Variants in PTPRG observed in about 807,000 individuals in gnomAD.
The protein encoded by PTPRG is protein tyrosine phosphatase receptor type G.
PTPRG carries 102 observed loss-of-function variants against 165.3 expected under a neutral mutation model. That is an observed-to-expected ratio of 0.62 (90% confidence interval 0.53 to 0.73). PTPRG has a LOEUF of 0.73. Among genes scored for constraint, PTPRG ranks in the 30% least tolerant of loss-of-function variants. The pLI is 0.00. For synonymous variants in PTPRG, 675 were observed against 669.5 expected (o/e 1.01, Z -0.13); for missense variants, 1,866 against 1,861.4 (o/e 1.00, Z -0.05).
intron 2 of PTPRG, among the ~76,000 whole-genome samples, chr3:61,872,428 T>A (rs2037609933): frequency 6.6e-6 from 1 of 152,186 alleles, no homozygotes; most frequent in Non-Finnish European, 1.5e-5. Flanking sequence ...AGTGTTTGGC[T>A]CTTAGGCTCA....
At chr3:62,037,138 A>G (rs1699972090) in intron 4 of PTPRG, among the ~76,000 whole-genome samples, 1 of 152,218 alleles carries the variant, frequency 6.6e-6, no homozygotes, top group Admixed American at 6.5e-5. Flanking sequence ...CAGATTTGGA[A>G]CCTGGAGCTA....
chr3:61,723,989 T>C (rs2032153837), intron 1 of PTPRG, among the ~76,000 whole-genome samples: 1 of 152,202 alleles, frequency 6.6e-6, no homozygotes, highest in African/African-American at 2.4e-5. Context: ...CCCAGCACTT[T>C]GGGAGGCTGA....
At chr3:62,207,341 G>A (rs1005636668) in intron 12 of PTPRG, among the ~76,000 whole-genome samples, 1 of 152,212 alleles carries the variant, frequency 6.6e-6, no homozygotes, top group Non-Finnish European at 1.5e-5. Context: ...ATCTGCATGT[G>A]CCTGTTGATT....
chr3:61,975,374 C>T (rs546761905), intron 2 of PTPRG, among the ~76,000 whole-genome samples: 3 of 152,290 alleles, frequency 2.0e-5, no homozygotes, highest in Non-Finnish European at 4.4e-5. Flanking sequence ...ACAGCTAGTA[C>T]TCCATATCAG....
chr3:62,027,964 C>T (rs1270209657), intron 4 of PTPRG, among the ~76,000 whole-genome samples: 2 of 152,184 alleles, frequency 1.3e-5, no homozygotes, highest in Admixed American at 6.5e-5. Context: ...GTTTGCAACT[C>T]GTGATTATTT....
At chr3:61,931,601 C>T (rs892613502) in intron 2 of PTPRG, among the ~76,000 whole-genome samples, 2 of 152,198 alleles carry the variant, frequency 1.3e-5, no homozygotes, top group African/African-American at 4.8e-5. Context: ...CCTCTTAGAG[C>T]TGCCTTCCCA....
chr3:62,067,205 C>T (rs1254308735), intron 4 of PTPRG, among the ~76,000 whole-genome samples: 4 of 151,682 alleles, frequency 2.6e-5, no homozygotes, highest in African/African-American at 7.3e-5. Context: ...GGGTGTAGGA[C>T]AGGGTTTCTG....
At position 61,811,821 on chromosome 3, in the gene PTPRG, G is replaced by A. The variant is rs1184303339; in HGVS notation, c.190+62839G>A. ...AAAAATTCCCTCAAGAGTGCTGACA[G>A]CATACCTTGCCTGTTATTACAGCTT... On this transcript the variant is annotated intron_variant, in intron 2 of 29. Transcript: ENST00000474889. Among the ~76,000 whole-genome samples, 37 of 152,142 alleles carry A rather than the reference G, an allele frequency of 2.4e-4. 2 individuals are homozygous for A. Among genetic ancestry groups the A allele is most frequent in the Admixed American group, 2.4e-3 (37 of 15,274 alleles).
Position 62,218,958 on chromosome 3 carries a change from C to G in PTPRG, c.2263C>G (p.Leu755Val), listed in dbSNP as rs769381581. 8.1e-6 allele frequency: 13 copies of G among 1,614,046 alleles called. No individual in the cohort carries two copies. Among genetic ancestry groups the G allele is most frequent in the Non-Finnish European group, 8.5e-6 (10 of 1,179,960 alleles). ...CTTGACCTTCGTGTGCCTCATCCTT[C>G]TCATTGCTGTGCTCGTTTACTGGAG... Reference protein sequence around the residue: ...SALTFVCLILLIAVLVYWRGC... With the variant: ...SALTFVCLILVIAVLVYWRGC... Residue 755 changes from leucine to valine, a missense_variant, in exon 13 of 30, where the codon CTC becomes GTC. By Grantham distance (32) the Leu-to-Val change is conservative. Around this residue, in one of 3 missense-constraint regions of PTPRG, gnomAD observed 1,452 missense variants for 1,463.0 expected, o/e 0.99. Transcript: ENST00000474889.
At chr3:61,884,267 T>C (rs1334860178) in intron 2 of PTPRG, among the ~76,000 whole-genome samples, 1 of 152,184 alleles carries the variant, frequency 6.6e-6, no homozygotes, top group Non-Finnish European at 1.5e-5. Context: ...GATTTAGTAA[T>C]TGGGTTAAAG....
intron 4 of PTPRG, among the ~76,000 whole-genome samples, chr3:62,037,690 C>G (rs886593370): frequency 4.6e-5 from 7 of 152,166 alleles, no homozygotes; most frequent in African/African-American, 1.7e-4. Context: ...TGACAACATA[C>G]TGTAGACTAG....
intron 4 of PTPRG, among the ~76,000 whole-genome samples, chr3:62,031,970 G>T (rs903829163): frequency 6.6e-6 from 1 of 152,168 alleles, no homozygotes. Context: ...GGTTAGATGG[G>T]TCTGCCACTC....
intron 13 of PTPRG, among the ~76,000 whole-genome samples, chr3:62,221,595 G>C (rs557545144): frequency 1.1e-4 from 16 of 152,188 alleles, no homozygotes; most frequent in Non-Finnish European, 1.9e-4. Context: ...GAACAACAGT[G>C]CTTTTCTTCT....
intron 16 of PTPRG, among the ~76,000 whole-genome samples, chr3:62,257,552 C>T (rs1326991464): frequency 6.6e-6 from 1 of 152,110 alleles, no homozygotes; most frequent in Non-Finnish European, 1.5e-5. Flanking sequence ...CATGAGAAAA[C>T]TGAGGCTGTG....
At position 61,692,079 on chromosome 3, in the gene PTPRG, A is replaced by G. The variant is rs72878416; in HGVS notation, c.86-56799A>G. 5.8e-3 allele frequency among the ~76,000 whole-genome samples: 887 copies of G among 152,386 alleles called. 12 individuals are homozygous for G. The highest frequency in any genetic ancestry group is 0.02 in the African/African-American group (849 of 41,590). On this transcript the variant is annotated intron_variant, in intron 1 of 29. Coordinates refer to ENST00000474889, the MANE Select transcript of PTPRG (RefSeq NM_002841.4). ...TCCAGTGCTAAGCAGTGAATAGTAT[A>G]TGATACATAATGAATTTTCTTCTGC...
chr3:62,064,650 C>G (rs1700946190), intron 4 of PTPRG, among the ~76,000 whole-genome samples: 1 of 150,758 alleles, frequency 6.6e-6, no homozygotes, highest in African/African-American at 2.4e-5. Flanking sequence ...GAATAAAGAG[C>G]TCCTTAAATA....
chr3:61,802,038 A>AG (rs922676184), intron 2 of PTPRG, among the ~76,000 whole-genome samples: 1 of 151,780 alleles, frequency 6.6e-6, no homozygotes, highest in African/African-American at 2.4e-5. Context: ...AAAAAAAAAA[A>AG]AAGACTCAGT....
intron 3 of PTPRG, among the ~76,000 whole-genome samples, chr3:61,992,111 C>G (rs1326215620): frequency 1.3e-5 from 2 of 152,180 alleles, no homozygotes; most frequent in East Asian, 3.9e-4. Flanking sequence ...TCTCATACAA[C>G]TTATTACTGT....
intron 1 of PTPRG, among the ~76,000 whole-genome samples, chr3:61,747,831 G>C (rs996119687): frequency 1.3e-5 from 2 of 151,810 alleles, no homozygotes; most frequent in Non-Finnish European, 2.9e-5. Context: ...CTTTTGTTTA[G>C]GTGCATTTAA....
Sources: gnomAD v4.1 joint callset for allele counts (sites outside exome capture counted in the v4.1 genomes callset) on GRCh38, gnomAD v4.1.1 for gene constraint, gnomAD v4.1.1 regional missense constraint, MANE v1.5 for transcripts, NCBI Gene and HGNC (gene_info 2026-07-23, HGNC 2026-07-21) for gene names.